Variants in BRD8 observed in about 807,000 individuals in gnomAD.
BRD8 encodes bromodomain containing 8, also known as bromodomain-containing protein 8.
A neutral mutation model predicts 143.1 loss-of-function variants in BRD8; 67 were observed. The observed-to-expected ratio is 0.47, with a 90% confidence interval of 0.38 to 0.57. The LOEUF (loss-of-function observed/expected upper bound fraction) is 0.57, where lower values mean the gene tolerates loss of function less well. Ranked by LOEUF, BRD8 falls within the 20% of genes least tolerant of loss-of-function variation. The pLI is 0.00. For synonymous variants in BRD8, 505 were observed against 517.1 expected (o/e 0.98, Z 0.32); for missense variants, 1,103 against 1,503.0 (o/e 0.73, Z 4.40).
At chr5:138,149,890 G>T in intron 22 of BRD8, 93 bp from the exon 23 acceptor site, 2 of 1,185,942 alleles carry the variant, frequency 1.7e-6, no homozygotes, top group South Asian at 1.9e-5. Context: ...CTGCCCTTAA[G>T]GTGAGAAGAG....
At chr5:138,173,926 C>T (rs571590400) in intron 2 of BRD8, among the ~76,000 whole-genome samples, 46 of 152,318 alleles carry the variant, frequency 3.0e-4, no homozygotes, top group Admixed American at 5.9e-4. Context: ...AACCTCCTGC[C>T]TTGGCCTCCC....
chr5:138,143,392 T>G (rs1439901995), intron 25 of BRD8, among the ~76,000 whole-genome samples: 3 of 151,858 alleles, frequency 2.0e-5, no homozygotes, highest in Non-Finnish European at 4.4e-5. Flanking sequence ...AGTGGGAAGA[T>G]TGCTTGAGCC....
chr5:138,162,005 A>G (rs1440944641), intron 16 of BRD8, 49 bp downstream of exon 16: 1 of 1,584,978 alleles, frequency 6.3e-7, no homozygotes, highest in Non-Finnish European at 8.6e-7. Flanking sequence ...AGTCACCAAC[A>G]ATGAAGAGTA....
At chr5:138,176,022 A>T (rs1754304055) in intron 2 of BRD8, among the ~76,000 whole-genome samples, 1 of 152,084 alleles carries the variant, frequency 6.6e-6, no homozygotes, top group Non-Finnish European at 1.5e-5. Context: ...CATTGTCCAC[A>T]ACCTTGTACA....
chr5:138,156,848 A>G, intron 20 of BRD8: 1 of 1,029,728 alleles, frequency 9.7e-7, no homozygotes, highest in Middle Eastern at 4.7e-4. Context: ...ACACACACAC[A>G]CACACACACA....
chr5:138,175,779 T>G (rs1179090183), intron 2 of BRD8, among the ~76,000 whole-genome samples: 1 of 150,298 alleles, frequency 6.7e-6, no homozygotes, highest in Non-Finnish European at 1.5e-5. Context: ...CCAGGGGTGA[T>G]GGCATGTGCC....
intron 1 of BRD8, 25 bp from the exon 2 acceptor site, chr5:138,177,692 A>G: frequency 6.8e-7 from 1 of 1,466,230 alleles, no homozygotes; most frequent in Non-Finnish European, 9.4e-7. Flanking sequence ...AAAAAAAAAA[A>G]GCCTTGGAAA....
intron 10 of BRD8, 136 bp from the exon 11 acceptor site, chr5:138,166,244 A>C: frequency 1.4e-6 from 1 of 696,744 alleles, no homozygotes; most frequent in South Asian, 1.8e-5. Flanking sequence ...ACATGTGCCT[A>C]TGTTTTCTTC....
chr5:138,143,249 C>CACT (rs1283010979), intron 25 of BRD8, among the ~76,000 whole-genome samples: 1 of 152,188 alleles, frequency 6.6e-6, no homozygotes, highest in African/African-American at 2.4e-5. Flanking sequence ...TGTGCCACTG[C>CACT]ACTCCAGCCT....
chr5:138,140,487 T>C, intron 26 of BRD8: 1 of 618,984 alleles, frequency 1.6e-6, no homozygotes, highest in Non-Finnish European at 2.9e-6. Flanking sequence ...TCTTGAGAGC[T>C]CTTCACTGCT....
rs375146349 is a variant in BRD8 at position 138,166,662 on chromosome 5, A to G, written c.853T>C (p.Phe285Leu). 20 of 1,613,970 alleles carry G rather than the reference A, an allele frequency of 1.2e-5. No individual in the cohort carries two copies. The highest frequency in any genetic ancestry group is 1.7e-5 in the Non-Finnish European group (20 of 1,179,954). The change falls in exon 10 of 27, where the codon TTC becomes CTC. Residue 285 changes from phenylalanine to leucine, a missense_variant. Physicochemically the swap from Phe to Leu is conservative, Grantham distance 22. Transcript: ENST00000254900. ...PTQFTTPLAS[F>L]TTVASEPPVK... Reference sequence around the variant, plus strand: ...GGAGGCTCACTGGCAACAGTAGTGAAGGAAGCAAGAGGTGTGGTGAACTGT... The same window carrying G: ...GGAGGCTCACTGGCAACAGTAGTGAGGGAAGCAAGAGGTGTGGTGAACTGT...
rs774316641 is a variant in BRD8 at position 138,152,570 on chromosome 5, T to C, written c.2768A>G (p.Glu923Gly). 1.9e-6 allele frequency: 3 copies of C among 1,614,062 alleles called. No individual in the cohort carries two copies. The East Asian group carries it at 6.7e-5, about 36-fold the overall frequency. The change falls in exon 21 of 27, where the codon GAA (glutamate) becomes GGA (glycine). Residue 923 changes from glutamate (E) to glycine (G), a missense_variant. By Grantham distance (98) the Glu-to-Gly change is moderately conservative (BLOSUM62 -2). Around this residue, in one of 7 missense-constraint regions of BRD8, gnomAD observed 369 missense variants for 445.5 expected, o/e 0.83. Transcript: ENST00000254900. ...EESSPEREPS[E>G]LLVGDGGSEE... ...ACTGCCTCCATCCCCAACAAGCAGT[T>C]CACTAGGTTCTCTCTCCGGGCTGCT...
chr5:138,140,215 A>G (rs767269726), intron 26 of BRD8, 49 bp from the exon 27 acceptor site: 5 of 1,342,186 alleles, frequency 3.7e-6, no homozygotes, highest in East Asian at 2.3e-5. Flanking sequence ...CTTAAACACT[A>G]AAGTATTGCA....
chr5:138,162,223 A>C, intron 15 of BRD8, 77 bp from the exon 16 acceptor site: 9 of 1,161,032 alleles, frequency 7.8e-6, no homozygotes, highest in Non-Finnish European at 1.1e-5. Context: ...TTTTTGAGAC[A>C]GGGTCTCACT....
At chr5:138,166,399 G>T in intron 10 of BRD8, 119 bp downstream of exon 10, 2 of 662,434 alleles carry the variant, frequency 3.0e-6, no homozygotes, top group Admixed American at 2.9e-5. Flanking sequence ...GATAAAGATG[G>T]CACATGTCTA....
chr5:138,170,736 TA>T, intron 6 of BRD8, 95 bp downstream of exon 6: 1 of 1,190,842 alleles, frequency 8.4e-7, no homozygotes, highest in Non-Finnish European at 1.2e-6. Context: ...GTCTCAAGTC[TA>T]AAGGGACGGC....
chr5:138,159,721 A>G, intron 19 of BRD8, 122 bp from the exon 20 acceptor site: 1 of 921,104 alleles, frequency 1.1e-6, no homozygotes, highest in Non-Finnish European at 1.7e-6. Context: ...AAACTCAAGA[A>G]CAAGAGGAAA....
At chr5:138,155,451 A>T (rs1040078793) in intron 20 of BRD8, among the ~76,000 whole-genome samples, 10 of 138,826 alleles carry the variant, frequency 7.2e-5, no homozygotes, top group Admixed American at 2.9e-4. Context: ...CTCCGAATTT[A>T]AAAAAAAAAA....
chr5:138,152,912 G>A lies in BRD8; in HGVS notation c.2578-152C>T, dbSNP rs2151186937. 6.0e-6 allele frequency: 5 copies of A among 832,204 alleles called. No homozygotes were observed. The South Asian group carries it at 7.5e-5, about 12-fold the overall frequency. The allele number at this position is 832,204 out of a possible 1,614,324, so 51.6% of individuals were successfully genotyped here. A position where few individuals can be genotyped will look rare whatever the true frequency, so the allele number is the denominator to read the frequency against. On this transcript the variant is annotated intron_variant, in intron 20 of 26. Transcript: ENST00000254900. ...AGGAAGAATTAAAATCTTGCTGAAG[G>A]GAGACATGAGATGAAATTATATTTG...
Sources: gnomAD v4.1 joint callset for allele counts (sites outside exome capture counted in the v4.1 genomes callset) on GRCh38, gnomAD v4.1.1 for gene constraint, gnomAD v4.1.1 regional missense constraint, MANE v1.5 for transcripts, NCBI Gene and HGNC (gene_info 2026-07-23, HGNC 2026-07-21) for gene names.